Variants in ACER3 observed in about 807,000 individuals in gnomAD.
ACER3 encodes alkCDase 3.
Under a neutral mutation model 48.9 loss-of-function variants are expected in ACER3, and 16 were observed. That is an observed-to-expected ratio of 0.33 (90% confidence interval 0.22 to 0.50). ACER3 has a LOEUF of 0.50. ACER3 is among the 20% of genes least tolerant of loss of function. The probability of loss-of-function intolerance (pLI) is 0.98; values close to 1 mark genes in which losing one functional copy is unlikely to be tolerated. For missense variants in ACER3, 227 were observed against 326.0 expected (o/e 0.70, Z 2.34); for synonymous variants, 109 against 107.8 (o/e 1.01, Z -0.07).
chr11:76,994,423 C>T (rs1948873682), intron 6 of ACER3, among the ~76,000 whole-genome samples: 1 of 152,196 alleles, frequency 6.6e-6, no homozygotes, highest in Admixed American at 6.5e-5. Context: ...AGCCACCGCA[C>T]CTGGCCTAAT....
At chr11:77,000,908 AT>A in intron 7 of ACER3, among the ~76,000 whole-genome samples, 1 of 151,992 alleles carries the variant, frequency 6.6e-6, no homozygotes, top group Admixed American at 6.6e-5. Context: ...TTGCCTTTCC[AT>A]ATAAAGTTTA....
At chr11:77,018,687 G>T (rs1451137638) in intron 9 of ACER3, among the ~76,000 whole-genome samples, 1 of 152,216 alleles carries the variant, frequency 6.6e-6, no homozygotes, top group Admixed American at 6.5e-5. Flanking sequence ...CTGATGTGTA[G>T]AAATTTCTAG....
chr11:77,014,973 C>A, intron 7 of ACER3, 43 bp from the exon 8 acceptor site: 1 of 1,204,608 alleles, frequency 8.3e-7, no homozygotes, highest in Non-Finnish European at 1.2e-6. Context: ...CGTGACATGA[C>A]TTGAGAAAAT....
At position 76,950,748 on chromosome 11, in the gene ACER3, G is replaced by A. The variant is rs537333471; in HGVS notation, c.215-8231G>A. Among the ~76,000 whole-genome samples, 61 of 152,160 alleles carry A rather than the reference G, an allele frequency of 4.0e-4. No individual in the cohort carries two copies. In the South Asian group the frequency reaches 6.8e-3, roughly 17 times the overall value. On this transcript the variant is annotated intron_variant, in intron 2 of 10. Transcript: ENST00000532485. ...CCCAAAGTTGTAGGATTACAGGCAT[G>A]AGCCACCATGCCAGGCCCAGAATTT... is the stretch of plus-strand genomic sequence containing the variant.
intron 9 of ACER3, among the ~76,000 whole-genome samples, chr11:77,017,450 A>G (rs1277873501): frequency 6.6e-6 from 1 of 152,220 alleles, no homozygotes; most frequent in African/African-American, 2.4e-5. Flanking sequence ...CTAGGTCAAA[A>G]CATTCATAAA....
intron 1 of ACER3, among the ~76,000 whole-genome samples, chr11:76,904,424 C>A (rs1196948308): frequency 1.3e-5 from 2 of 152,092 alleles, no homozygotes; most frequent in Non-Finnish European, 2.9e-5. Context: ...CTCCCTGCCA[C>A]CCCCCATAAA....
intron 7 of ACER3, among the ~76,000 whole-genome samples, chr11:77,005,068 C>A (rs1379354814): frequency 2.2e-5 from 3 of 133,930 alleles, no homozygotes; most frequent in African/African-American, 8.3e-5. Flanking sequence ...GACGGAGTCT[C>A]ACTCTATCGT....
intron 1 of ACER3, among the ~76,000 whole-genome samples, chr11:76,913,195 CT>C (rs1489029176): frequency 1.3e-5 from 2 of 152,036 alleles, no homozygotes; most frequent in African/African-American, 4.8e-5. Context: ...TATAAGAATG[CT>C]TGTGATTTTT....
chr11:76,914,373 A>T (rs1362862682), intron 1 of ACER3, among the ~76,000 whole-genome samples: 1 of 152,178 alleles, frequency 6.6e-6, no homozygotes, highest in Non-Finnish European at 1.5e-5. Flanking sequence ...CCCCATCAAA[A>T]AGTGGGCGAA....
intron 1 of ACER3, among the ~76,000 whole-genome samples, chr11:76,883,261 AT>A (rs1230801343): frequency 6.6e-6 from 1 of 151,886 alleles, no homozygotes; most frequent in Non-Finnish European, 1.5e-5. Context: ...TTAGGGCCTT[AT>A]TTTGTCATTG....
chr11:76,983,345 G>T (rs1948624780), intron 4 of ACER3, among the ~76,000 whole-genome samples: 1 of 151,902 alleles, frequency 6.6e-6, no homozygotes, highest in South Asian at 2.1e-4. Flanking sequence ...TTGACATGGG[G>T]TCTGGCTCTC....
chr11:76,893,558 G>T (rs920035440), intron 1 of ACER3, among the ~76,000 whole-genome samples: 5 of 152,036 alleles, frequency 3.3e-5, no homozygotes, highest in Non-Finnish European at 7.4e-5. Context: ...AGTAGCTCGT[G>T]CTTGTAATCC....
chr11:77,020,481 A>T lies in ACER3; in HGVS notation c.*154A>T, dbSNP rs6592695. On this transcript the variant is annotated 3_prime_UTR_variant, in exon 11 of 11. Coordinates refer to ENST00000532485, the MANE Select transcript of ACER3 (RefSeq NM_018367.7). ...AATGCTGCCACCCACACAGAGAATAAGGAGTAGGGCCTGCTGGGTGTTTAG... is the reference window on the plus strand; with the variant it reads ...AATGCTGCCACCCACACAGAGAATATGGAGTAGGGCCTGCTGGGTGTTTAG... 0.034 allele frequency: 25,816 copies of T among 765,670 alleles called. 4,358 individuals are homozygous for T. In the African/African-American group the frequency reaches 0.39, roughly 11 times the overall value. The allele number at this position is 765,670 out of a possible 1,614,324, so 47.4% of individuals were successfully genotyped here. A position where few individuals can be genotyped will look rare whatever the true frequency, so the allele number is the denominator to read the frequency against.
At position 77,022,917 on chromosome 11, in the gene ACER3, G is replaced by T; in HGVS notation, c.*2590G>T. On this transcript the variant is annotated 3_prime_UTR_variant, in exon 11 of 11. Coordinates refer to ENST00000532485, the MANE Select transcript of ACER3 (RefSeq NM_018367.7). Reference sequence around the variant, plus strand: ...AGAAAAGAAAAGAAAATATAAGGATGTAAAAGAAGCAATTTGCTTGCACAT... The same window carrying T: ...AGAAAAGAAAAGAAAATATAAGGATTTAAAAGAAGCAATTTGCTTGCACAT... The T allele has an allele frequency of 4.8e-5, 18 of 371,970 alleles. No individual in the cohort carries two copies. The highest frequency in any genetic ancestry group is 2.3e-4 in the East Asian group (6 of 25,586). 23.0% of individuals were successfully genotyped at this position (371,970 alleles called of 1,614,324 possible).
rs1949508890 is a variant in ACER3 at position 77,023,961 on chromosome 11, C to CT, written c.*3635dup. On this transcript the variant is annotated 3_prime_UTR_variant, in exon 11 of 11. Coordinates refer to ENST00000532485, the MANE Select transcript of ACER3 (RefSeq NM_018367.7). ...TGGTGGCGGGCGCCTGTAGTCCCAG[C>CT]TACTCGGGAGGCTGAGGCAGGAGAA... 6.6e-6 allele frequency: 1 copy of CT among 150,596 alleles called. No homozygotes were observed. Among genetic ancestry groups the CT allele is most frequent in the Non-Finnish European group, 1.5e-5 (1 of 67,900 alleles). The allele number at this position is 150,596 out of a possible 1,614,324, so 9.3% of individuals were successfully genotyped here.
At chr11:76,927,494 T>C (rs1234375602) in intron 2 of ACER3, among the ~76,000 whole-genome samples, 6 of 152,284 alleles carry the variant, frequency 3.9e-5, no homozygotes, top group African/African-American at 1.4e-4. Context: ...AGTTCTAGGG[T>C]ACACGTGCAC....
intron 1 of ACER3, among the ~76,000 whole-genome samples, chr11:76,904,758 G>T (rs1946175776): frequency 6.6e-6 from 1 of 152,068 alleles, no homozygotes; most frequent in South Asian, 2.1e-4. Flanking sequence ...CTGTTTCGCT[G>T]CCCCTCTCAA....
At chr11:76,873,360 A>C (rs1341308753) in intron 1 of ACER3, among the ~76,000 whole-genome samples, 5 of 152,206 alleles carry the variant, frequency 3.3e-5, no homozygotes, top group African/African-American at 1.2e-4. Flanking sequence ...GTTCAAAAGG[A>C]TAAGCAGTTT....
At chr11:76,933,183 TATATATATATGAAAC>T (rs1947059813) in intron 2 of ACER3, among the ~76,000 whole-genome samples, 1 of 147,180 alleles carries the variant, frequency 6.8e-6, no homozygotes, top group East Asian at 2.0e-4. Flanking sequence ...CATATATATA[TATATATATATGAAAC>T]TTCACTATTC....
Sources: gnomAD v4.1 joint callset for allele counts (sites outside exome capture counted in the v4.1 genomes callset) on GRCh38, gnomAD v4.1.1 for gene constraint, MANE v1.5 for transcripts, NCBI Gene and HGNC (gene_info 2026-07-23, HGNC 2026-07-21) for gene names.